The following UBR4 variants were observed in gnomAD, a reference collection of about 807,000 sequenced individuals.
UBR4 encodes the protein E3 ubiquitin-protein ligase UBR4.
In UBR4, 124 loss-of-function variants were observed where a neutral mutation model predicts 575.6. The observed-to-expected ratio is 0.22, with a 90% CI of 0.19 to 0.25. UBR4 has a LOEUF of 0.25. UBR4 is among the 10% of genes least tolerant of loss of function. The pLI is 1.00. For missense variants in UBR4, 4,818 were observed against 6,478.8 expected (o/e 0.74, Z 8.80); for synonymous variants, 2,455 against 2,473.7 (o/e 0.99, Z 0.22).
Position 19,139,069 on chromosome 1 carries a change from C to T in UBR4, c.8731+14G>A, listed in dbSNP as rs759158559. 6.2e-7 allele frequency: 1 copy of T among 1,602,288 alleles called. No individual in the cohort carries two copies. Among genetic ancestry groups the T allele is most frequent in the Non-Finnish European group, 8.5e-7 (1 of 1,172,440 alleles). Reference sequence around the variant, plus strand: ...TCTGCCCAAGGAGACAGGACCCCCGCCATGGCACATTACCACTGTGCTCGC... The same window carrying T: ...TCTGCCCAAGGAGACAGGACCCCCGTCATGGCACATTACCACTGTGCTCGC... On this transcript the variant is annotated intron_variant, in intron 59 of 105. Coordinates refer to ENST00000375254, the MANE Select transcript of UBR4 (RefSeq NM_020765.3). This position sits in a 1 kb window ranked among gnomAD's most constrained non-coding sequence, Gnocchi z 4.2.
At chr1:19,154,049 C>T (rs2086094407) in intron 44 of UBR4, 110 bp from the exon 45 acceptor site, 1 of 1,228,112 alleles carries the variant, frequency 8.1e-7, no homozygotes, top group Non-Finnish European at 1.1e-6. Context: ...AAGCAATATC[C>T]TTGGCCAGGG....
chr1:19,134,932 C>T (rs995329009), intron 60 of UBR4, among the ~76,000 whole-genome samples: 8 of 152,160 alleles, frequency 5.3e-5, no homozygotes, highest in African/African-American at 1.9e-4. Context: ...AAATGAATAG[C>T]TGCTGAGAAT....
At chr1:19,109,862 AC>A (rs1226664014) in intron 81 of UBR4, among the ~76,000 whole-genome samples, 1 of 152,266 alleles carries the variant, frequency 6.6e-6, no homozygotes, top group African/African-American at 2.4e-5. Flanking sequence ...TTCATCCTTC[AC>A]AGCTAGCCAC....
intron 55 of UBR4, among the ~76,000 whole-genome samples, chr1:19,142,407 C>CT (rs1425997281): frequency 1.3e-5 from 2 of 152,192 alleles, no homozygotes; most frequent in Admixed American, 1.3e-4. Flanking sequence ...GAGACCTCAC[C>CT]TTCCACTCGA....
intron 93 of UBR4, among the ~76,000 whole-genome samples, chr1:19,095,228 C>T (rs2148922325): frequency 1.3e-5 from 2 of 152,246 alleles, no homozygotes; most frequent in Middle Eastern, 6.8e-3. Context: ...CTTTGCTGCC[C>T]CAAGGAGAGG....
intron 87 of UBR4, among the ~76,000 whole-genome samples, chr1:19,103,460 A>G (rs1329812655): frequency 1.3e-5 from 2 of 152,218 alleles, no homozygotes; most frequent in Non-Finnish European, 2.9e-5. Flanking sequence ...GCTACTCAGT[A>G]AGGCTGAGGC....
chr1:19,121,572 G>T, intron 67 of UBR4, 138 bp from the exon 68 acceptor site: 1 of 1,152,990 alleles, frequency 8.7e-7, no homozygotes, highest in Non-Finnish European at 1.2e-6. Context: ...GCTGGACATT[G>T]TGAAGAAGTT....
intron 17 of UBR4, among the ~76,000 whole-genome samples, chr1:19,179,997 C>T (rs973742649): frequency 6.6e-6 from 1 of 152,142 alleles, no homozygotes; most frequent in African/African-American, 2.4e-5. Context: ...CGCAAAATGT[C>T]GCTGGCCTCA....
intron 61 of UBR4, 95 bp from the exon 62 acceptor site, chr1:19,128,413 C>A: frequency 9.8e-7 from 1 of 1,015,496 alleles, no homozygotes; most frequent in Non-Finnish European, 1.5e-6. Flanking sequence ...ATCTTCCTGA[C>A]ATCCCTATCA....
rs534176637 is a variant in UBR4, at chr1:19,130,386, G to C, written c.8907-1312C>G. Among the ~76,000 whole-genome samples the C allele has an allele frequency of 9.2e-5, 14 of 152,180 alleles. No homozygotes were observed. In the South Asian group the frequency reaches 2.9e-3, roughly 32 times the overall value. ...ATCTCTACAAAAAATTTAAAAATTA[G>C]CCAGACGTGGTGCCATGTGCCTGTA... is the stretch of plus-strand genomic sequence containing the variant. On this transcript the variant is annotated intron_variant, in intron 60 of 105. Coordinates refer to ENST00000375254, the MANE Select transcript of UBR4 (RefSeq NM_020765.3).
chr1:19,150,824 C>T (rs765728981), intron 48 of UBR4, 31 bp from the exon 49 acceptor site: 3 of 1,608,374 alleles, frequency 1.9e-6, no homozygotes, highest in Non-Finnish European at 2.5e-6. Context: ...CTTTAGGAAG[C>T]ACATTCTCTA....
At chr1:19,116,288 T>G (rs780853491) in intron 73 of UBR4, among the ~76,000 whole-genome samples, 3 of 152,238 alleles carry the variant, frequency 2.0e-5, no homozygotes, top group African/African-American at 7.2e-5. Flanking sequence ...CAGAGCTATG[T>G]AGCAGAGCTG....
In UBR4 at chr1:19,117,711, G is replaced by A. The variant is rs183107379; in HGVS notation, c.10629+112C>T. The A allele has an allele frequency of 9.8e-5, 110 of 1,125,242 alleles. No individual in the cohort carries two copies. Among genetic ancestry groups the A allele is most frequent in the African/African-American group, 7.3e-4 (47 of 64,292 alleles). The allele number at this position is 1,125,242 out of a possible 1,614,324, so 69.7% of individuals were successfully genotyped here. ...GTGGCAGATAAAAATTCCTACTATC[G>A]GTGACCAACCATTAGGAGAGGAACA... On this transcript the variant is annotated intron_variant, in intron 72 of 105. Coordinates refer to ENST00000375254, the MANE Select transcript of UBR4 (RefSeq NM_020765.3). This position sits in a 1 kb window ranked among gnomAD's most constrained non-coding sequence, Gnocchi z 4.0.
chr1:19,208,929 T>A (rs1274623149), intron 1 of UBR4, among the ~76,000 whole-genome samples: 1 of 152,208 alleles, frequency 6.6e-6, no homozygotes. Flanking sequence ...ATTTGAAACC[T>A]GTTTACATCT....
At chr1:19,163,909 T>C in intron 33 of UBR4, 82 bp from the exon 34 acceptor site, 1 of 1,426,108 alleles carries the variant, frequency 7.0e-7, no homozygotes, top group Non-Finnish European at 9.9e-7. Flanking sequence ...CTTCATTAAC[T>C]TTGAATCAAT....
intron 47 of UBR4, 47 bp from the exon 48 acceptor site, chr1:19,151,906 G>A: frequency 6.7e-7 from 1 of 1,481,976 alleles, no homozygotes; most frequent in Admixed American, 2.3e-5. Flanking sequence ...AAGTTCTTAA[G>A]TTTTAACTAG....
Position 19,190,312 on chromosome 1 carries a change from A to AT in UBR4, c.1394+1875_1394+1876insA, listed in dbSNP as rs1553226958. Among the ~76,000 whole-genome samples the AT allele has an allele frequency of 3.3e-3, 263 of 79,844 alleles. 1 individual carries two copies. Among genetic ancestry groups the AT allele is most frequent in the African/African-American group, 6.5e-3 (122 of 18,744 alleles). 52.4% of individuals were successfully genotyped at this position (79,844 alleles called of 152,430 possible). A position where few individuals can be genotyped will look rare whatever the true frequency, so the allele number is the denominator to read the frequency against. On this transcript the variant is annotated intron_variant, in intron 11 of 105. Coordinates refer to ENST00000375254, the MANE Select transcript of UBR4 (RefSeq NM_020765.3). ...TGCCTCAAAAAAAAAAAAAAAAAAAAATATATATATATATATATTTGTATG... is the reference window on the plus strand; with the variant it reads ...TGCCTCAAAAAAAAAAAAAAAAAAAATATATATATATATATATATTTGTATG...
rs761907634 is a variant in UBR4 at position 19,100,558 on chromosome 1, T to C, written c.13039A>G (p.Thr4347Ala). ...TTCTCCAGGGTCACAAAGAACTCAG[T>C]GACTTCATTCTCCTCCTGGAGGACA... ...SIIYPEENEV[T>A]EFFVTLEKDP... Residue 4347 changes from threonine (T) to alanine (A), a missense_variant, in exon 89 of 106, where the codon ACT becomes GCT. Thr to Ala is a moderately conservative substitution (Grantham distance 58). Around this residue, in one of 29 missense-constraint regions of UBR4, gnomAD observed 105 missense variants for 232.8 expected, o/e 0.45. Transcript: ENST00000375254. The surrounding 1 kb of genome is among the most constrained non-coding windows in gnomAD (Gnocchi z 4.2). 1 of 1,613,974 alleles carries C rather than the reference T, an allele frequency of 6.2e-7. No individual in the cohort carries two copies.
intron 78 of UBR4, 165 bp downstream of exon 78, chr1:19,112,359 C>A: frequency 3.9e-6 from 3 of 762,206 alleles, no homozygotes; most frequent in Non-Finnish European, 4.0e-6. Flanking sequence ...GCTCCCCAAG[C>A]TCGCTCACCT....
Sources: allele counts gnomAD v4.1 joint callset (sites outside exome capture counted in the v4.1 genomes callset), GRCh38; gene constraint gnomAD v4.1.1; regional missense constraint gnomAD v4.1.1; non-coding constraint Gnocchi (gnomAD v3.1); transcripts MANE v1.5; gene names NCBI Gene and HGNC (gene_info 2026-07-23, HGNC 2026-07-21).